Variants in PARD3 observed in about 807,000 individuals in gnomAD.
PARD3 encodes the protein partitioning defective 3 homolog.
A neutral mutation model predicts 155.4 loss-of-function variants in PARD3; 75 were observed. The observed-to-expected ratio is 0.48, with a 90% CI of 0.40 to 0.58. The LOEUF (loss-of-function observed/expected upper bound fraction) is 0.58, where lower values mean the gene tolerates loss of function less well. PARD3 is among the 20% of genes least tolerant of loss of function. The pLI, the probability that PARD3 is intolerant of heterozygous loss-of-function variation, is 0.00. For missense variants in PARD3, 1,642 were observed against 1,721.7 expected (o/e 0.95, Z 0.82); for synonymous variants, 576 against 610.5 (o/e 0.94, Z 0.83).
At chr10:34,701,457 C>T (rs964569103) in intron 1 of PARD3, among the ~76,000 whole-genome samples, 3 of 151,870 alleles carry the variant, frequency 2.0e-5, no homozygotes, top group African/African-American at 7.3e-5. Context: ...AAGCAGATGG[C>T]CCAGAGGCGA....
chr10:34,558,789 A>T (rs968258380), intron 2 of PARD3, among the ~76,000 whole-genome samples: 10 of 152,166 alleles, frequency 6.6e-5, no homozygotes, highest in African/African-American at 2.4e-4. Flanking sequence ...TCCACTAAAA[A>T]TACAAAAATT....
At chr10:34,225,437 C>T (rs1358842840) in intron 22 of PARD3, among the ~76,000 whole-genome samples, 3 of 152,000 alleles carry the variant, frequency 2.0e-5, no homozygotes. Flanking sequence ...CCTCCACCTC[C>T]CGGGTTCAAG....
intron 1 of PARD3, among the ~76,000 whole-genome samples, chr10:34,795,925 A>AACATAAATT (rs1211133176): frequency 6.9e-6 from 1 of 145,874 alleles, no homozygotes; most frequent in African/African-American, 2.7e-5. Flanking sequence ...TAACATAAAT[A>AACATAAATT]AAAAAATTAA....
At chr10:34,412,793 T>C (rs1030405200) in intron 5 of PARD3, among the ~76,000 whole-genome samples, 6 of 152,144 alleles carry the variant, frequency 3.9e-5, no homozygotes, top group Non-Finnish European at 7.3e-5. Flanking sequence ...TCCTTTTATA[T>C]GAAACATTTT....
chr10:34,797,314 C>G (rs1054185239), intron 1 of PARD3, among the ~76,000 whole-genome samples: 2 of 152,154 alleles, frequency 1.3e-5, no homozygotes, highest in African/African-American at 2.4e-5. Context: ...TCCCGCCTGG[C>G]TAATTTATGT....
intron 2 of PARD3, among the ~76,000 whole-genome samples, chr10:34,616,254 T>C (rs1800584089): frequency 6.6e-6 from 1 of 152,024 alleles, no homozygotes; most frequent in African/African-American, 2.4e-5. Context: ...GAGGTGGACT[T>C]TGCAGTGAGC....
chr10:34,585,413 C>A (rs2087917403), intron 2 of PARD3, among the ~76,000 whole-genome samples: 1 of 152,098 alleles, frequency 6.6e-6, no homozygotes, highest in Non-Finnish European at 1.5e-5. Flanking sequence ...TTTCATCAAT[C>A]TATTAGGAAC....
At position 34,111,227 on chromosome 10, in the gene PARD3, T is replaced by C. The variant is rs745829613; in HGVS notation, c.4004A>G (p.Gln1335Arg). ...FRQDVPPSPSQVARLNRLQTP... is the reference protein window; with the variant it reads ...FRQDVPPSPSRVARLNRLQTP... ...CTGAAGTCTGTTCAGCCTCGCAACCTGAGAAGGGGAGGGGGGCACATCTTG... is the reference window on the plus strand; with the variant it reads ...CTGAAGTCTGTTCAGCCTCGCAACCCGAGAAGGGGAGGGGGGCACATCTTG... Residue 1335 changes from glutamine to arginine, a missense_variant, in exon 25 of 25, where the codon CAG (glutamine) becomes CGG (arginine). This residue lies in a region of PARD3 where 1,529 missense variants were observed against 1,587.3 expected (regional missense o/e 0.96). Transcript: ENST00000374788. The C allele has an allele frequency of 1.2e-6, 2 of 1,608,236 alleles. No individual in the cohort carries two copies. The highest frequency in any genetic ancestry group is 1.7e-6 in the Non-Finnish European group (2 of 1,175,808).
chr10:34,124,395 G>C (rs1407262987), intron 23 of PARD3, among the ~76,000 whole-genome samples: 2 of 152,124 alleles, frequency 1.3e-5, no homozygotes, highest in Admixed American at 6.5e-5. Flanking sequence ...TTAAAGATTT[G>C]GTAGGGAGCA....
chr10:34,440,747 C>T (rs1234278009), intron 5 of PARD3, among the ~76,000 whole-genome samples: 1 of 151,908 alleles, frequency 6.6e-6, no homozygotes, highest in Non-Finnish European at 1.5e-5. Context: ...TTGATGAGTA[C>T]CCCCATTCAA....
At chr10:34,193,963 T>C (rs979909947) in intron 22 of PARD3, among the ~76,000 whole-genome samples, 2 of 152,118 alleles carry the variant, frequency 1.3e-5, no homozygotes, top group Non-Finnish European at 2.9e-5. Context: ...TGGAAATAGA[T>C]TTCCTATAGC....
In PARD3 at chr10:34,414,874, G is replaced by A. The variant is rs117751269; in HGVS notation, c.715-12957C>T. 3.1e-3 allele frequency among the ~76,000 whole-genome samples: 478 copies of A among 151,976 alleles called. 3 individuals carry two copies. The highest frequency in any genetic ancestry group is 4.7e-3 in the Non-Finnish European group (316 of 67,956). The stretch of plus-strand genomic sequence containing the variant: ...GTCACTAAGTAAGTACTGGGAAAAG[G>A]AAACTGAAAAGACCTCCCAAGTGCC... On this transcript the variant is annotated intron_variant, in intron 5 of 24. Coordinates refer to ENST00000374788, the MANE Select transcript of PARD3 (RefSeq NM_001184785.2).
chr10:34,477,697 G>GT (rs1181916766), intron 3 of PARD3, among the ~76,000 whole-genome samples: 1 of 152,260 alleles, frequency 6.6e-6, no homozygotes, highest in East Asian at 1.9e-4. Flanking sequence ...CATTCTTCAA[G>GT]TCGTTTTTCA....
chr10:34,145,025 A>G (rs34061820), intron 22 of PARD3, among the ~76,000 whole-genome samples: 11,970 of 151,516 alleles, frequency 0.079, 1,276 homozygotes, highest in African/African-American at 0.25. Context: ...TATGTATTCT[A>G]TCATTACCAC....
At chr10:34,546,753 T>C (rs2084105811) in intron 2 of PARD3, among the ~76,000 whole-genome samples, 1 of 152,192 alleles carries the variant, frequency 6.6e-6, no homozygotes, top group South Asian at 2.1e-4. Context: ...AGTTTTAATT[T>C]TCATTGGAAT....
At chr10:34,423,368 G>C (rs907893948) in intron 5 of PARD3, among the ~76,000 whole-genome samples, 1 of 152,046 alleles carries the variant, frequency 6.6e-6, no homozygotes, top group African/African-American at 2.4e-5. Context: ...TTTCCATTAG[G>C]AGGAAAAAGT....
intron 14 of PARD3, among the ~76,000 whole-genome samples, chr10:34,348,745 C>T (rs1440108334): frequency 6.6e-6 from 1 of 152,114 alleles, no homozygotes; most frequent in Non-Finnish European, 1.5e-5. Context: ...GCAATAATCA[C>T]TTCAGTAGTG....
chr10:34,814,858 G>T lies in PARD3; in HGVS notation c.120+18C>A. 2 of 547,758 alleles carry T rather than the reference G, an allele frequency of 3.7e-6. No individual in the cohort carries two copies. The highest frequency in any genetic ancestry group is 2.9e-6 in the Non-Finnish European group (1 of 349,802). The allele number at this position is 547,758 out of a possible 1,614,324, so 33.9% of individuals were successfully genotyped here. A position where few individuals can be genotyped will look rare whatever the true frequency, so the allele number is the denominator to read the frequency against. On this transcript the variant is annotated intron_variant, in intron 1 of 24. Transcript: ENST00000374788. Reference sequence around the variant, plus strand: ...CCCCGCCGCCGCCCCCTCCCCGCCCGCGCCCCCGGCCCCTCACCTTGGCGA... The same window carrying T: ...CCCCGCCGCCGCCCCCTCCCCGCCCTCGCCCCCGGCCCCTCACCTTGGCGA...
intron 1 of PARD3, among the ~76,000 whole-genome samples, chr10:34,780,252 C>G (rs1041555036): frequency 6.6e-6 from 1 of 152,336 alleles, no homozygotes; most frequent in African/African-American, 2.4e-5. Context: ...TACCTCCTGA[C>G]CTGAATGCTC....
Sources: gnomAD v4.1 joint callset for allele counts (sites outside exome capture counted in the v4.1 genomes callset) on GRCh38, gnomAD v4.1.1 for gene constraint, gnomAD v4.1.1 regional missense constraint, MANE v1.5 for transcripts, NCBI Gene and HGNC (gene_info 2026-07-23, HGNC 2026-07-21) for gene names.